Variants in THSD7B observed in about 807,000 individuals in gnomAD.
THSD7B encodes the protein thrombospondin type 1 domain containing 7B.
A neutral mutation model predicts 213.6 loss-of-function variants in THSD7B; 138 were observed. The observed-to-expected ratio is 0.65, with a 90% CI of 0.56 to 0.74. The LOEUF (loss-of-function observed/expected upper bound fraction) is 0.74. THSD7B is among the 30% of genes least tolerant of loss of function. The pLI, the probability that THSD7B is intolerant of heterozygous loss-of-function variation, is 0.00. For missense variants in THSD7B, 1,931 were observed against 1,991.5 expected (o/e 0.97, Z 0.58); for synonymous variants, 742 against 687.0 (o/e 1.08, Z -1.25).
intron 2 of THSD7B, among the ~76,000 whole-genome samples, chr2:136,994,467 T>C (rs976751040): frequency 1.7e-4 from 26 of 152,208 alleles, no homozygotes; most frequent in African/African-American, 5.8e-4. Context: ...CTTGGGAGGC[T>C]GAGGCAGGAG....
chr2:137,347,032 A>G (rs1260038901), intron 12 of THSD7B, among the ~76,000 whole-genome samples: 1 of 151,612 alleles, frequency 6.6e-6, no homozygotes, highest in Non-Finnish European at 1.5e-5. Flanking sequence ...CACCATTGCA[A>G]CCCCACCAAC....
In THSD7B at chr2:137,448,825, AACAACAACAAC is replaced by A. The variant is rs1687593860; in HGVS notation, c.2960-2018_2960-2008del. Among the ~76,000 whole-genome samples, 21 of 150,768 alleles carry A rather than the reference AACAACAACAAC, an allele frequency of 1.4e-4. No individual in the cohort carries two copies. The South Asian group carries it at 4.2e-3, about 30-fold the overall frequency. On this transcript the variant is annotated intron_variant, in intron 14 of 27. Coordinates refer to ENST00000409968, the MANE Select transcript of THSD7B (RefSeq NM_001316349.2). ...AAACAACAACAACAACAACAACAAC[AACAACAACAAC>A]AAAAACTACCCTTTCCTGGGTCCCA...
chr2:137,487,794 C>G (rs1384337975), intron 15 of THSD7B, among the ~76,000 whole-genome samples: 1 of 8,498 alleles, frequency 1.2e-4, no homozygotes, highest in Admixed American at 1.5e-3. Flanking sequence ...GACGGAGTCT[C>G]GCTCTGTCGC....
At position 137,231,175 on chromosome 2, in the gene THSD7B, A is replaced by G; in HGVS notation, c.1855A>G (p.Asn619Asp). 6.2e-7 allele frequency: 1 copy of G among 1,613,490 alleles called. No individual in the cohort carries two copies. The highest frequency in any genetic ancestry group is 8.5e-7 in the Non-Finnish European group (1 of 1,179,652). ...EWSSCSQSCS[N>D]KNSDGKQTRS... is the part of the protein sequence containing the mutation. Reference sequence around the variant, plus strand: ...GTCATCCTGTTCCCAGTCCTGTTCAAATAAAAACTCAGATGGGAAACAGAC... The same window carrying G: ...GTCATCCTGTTCCCAGTCCTGTTCAGATAAAAACTCAGATGGGAAACAGAC... The change falls in exon 8 of 28, where the codon AAT (asparagine) becomes GAT (aspartate). Residue 619 changes from asparagine (N) to aspartate (D), a missense_variant. Physicochemically the swap from Asn to Asp is conservative, Grantham distance 23. Transcript: ENST00000409968.
intron 5 of THSD7B, among the ~76,000 whole-genome samples, chr2:137,141,545 A>T (rs1679586887): frequency 6.6e-6 from 1 of 151,824 alleles, no homozygotes; most frequent in Non-Finnish European, 1.5e-5. Context: ...AAACTGGTGA[A>T]ATCTGGGTAA....
intron 3 of THSD7B, among the ~76,000 whole-genome samples, chr2:137,083,970 A>T (rs1422579464): frequency 6.6e-6 from 1 of 152,138 alleles, no homozygotes; most frequent in African/African-American, 2.4e-5. Context: ...GTATTTTGGA[A>T]GTATTATGTT....
intron 12 of THSD7B, among the ~76,000 whole-genome samples, chr2:137,315,602 T>C (rs529814199): frequency 6.6e-6 from 1 of 152,278 alleles, no homozygotes; most frequent in Non-Finnish European, 1.5e-5. Flanking sequence ...TTTTCGTTTC[T>C]AGATTTGGTA....
intron 12 of THSD7B, among the ~76,000 whole-genome samples, chr2:137,300,161 A>G (rs1683566217): frequency 6.6e-6 from 1 of 152,182 alleles, no homozygotes; most frequent in Non-Finnish European, 1.5e-5. Flanking sequence ...TATACTTAGC[A>G]TTTATAAACT....
chr2:137,445,352 C>T (rs1320893678), intron 14 of THSD7B, among the ~76,000 whole-genome samples: 1 of 151,936 alleles, frequency 6.6e-6, no homozygotes, highest in Non-Finnish European at 1.5e-5. Flanking sequence ...ATGGAATCCA[C>T]CTAAGTGCCC....
At chr2:137,102,096 G>A (rs1455168913) in intron 4 of THSD7B, among the ~76,000 whole-genome samples, 3 of 152,222 alleles carry the variant, frequency 2.0e-5, no homozygotes, top group African/African-American at 7.2e-5. Flanking sequence ...TCCTGACTTG[G>A]AGACACCTCC....
At chr2:137,397,580 C>T (rs1460150344) in intron 12 of THSD7B, among the ~76,000 whole-genome samples, 1 of 151,274 alleles carries the variant, frequency 6.6e-6, no homozygotes, top group Admixed American at 6.6e-5. Flanking sequence ...CGACCTTTCT[C>T]TCTGGCTGCT....
At chr2:137,456,522 C>T (rs1687767218) in intron 15 of THSD7B, among the ~76,000 whole-genome samples, 1 of 152,186 alleles carries the variant, frequency 6.6e-6, no homozygotes, top group African/African-American at 2.4e-5. Context: ...CTGATCCTGA[C>T]CTAGGCCTGA....
In THSD7B at chr2:137,073,522, G is replaced by C. The variant is rs183911843; in HGVS notation, c.950+16292G>C. Among the ~76,000 whole-genome samples the C allele has an allele frequency of 2.0e-5, 3 of 151,868 alleles. No individual in the cohort carries two copies. In the East Asian group the frequency reaches 5.8e-4, roughly 29 times the overall value. On this transcript the variant is annotated intron_variant, in intron 3 of 27. Transcript: ENST00000409968. The stretch of plus-strand genomic sequence containing the variant: ...TAGCGGTCTATCAATTTTGTTGATC[G>C]TTCAAAAAAACAGCTCCTGGATTCA...
intron 7 of THSD7B, among the ~76,000 whole-genome samples, chr2:137,205,785 A>C (rs895232552): frequency 2.0e-5 from 3 of 152,042 alleles, no homozygotes; most frequent in Admixed American, 1.3e-4. Flanking sequence ...GTGAGTCTTA[A>C]ATCCCATAGA....
Position 137,095,048 on chromosome 2 carries a change from G to A in THSD7B, c.1126G>A (p.Gly376Arg). 1 of 1,613,818 alleles carries A rather than the reference G, an allele frequency of 6.2e-7. No individual in the cohort carries two copies. The highest frequency in any genetic ancestry group is 8.5e-7 in the Non-Finnish European group (1 of 1,179,840). ...RNVKHMAIGG[G>R]KECPELLEKE... The stretch of plus-strand genomic sequence containing the variant: ...CGTGAAGCACATGGCTATTGGAGGT[G>A]GAAAGGAGTGTCCTGAACTTCTTGA... The change falls in exon 4 of 28, where the codon GGA (glycine) becomes AGA (arginine). Residue 376 changes from glycine (G) to arginine (R), a missense_variant. Physicochemically the swap from Gly to Arg is moderately radical, Grantham distance 125. Coordinates refer to ENST00000409968, the MANE Select transcript of THSD7B (RefSeq NM_001316349.2).
rs540345253 is a variant in THSD7B, at chr2:137,382,354, C to T, written c.2501-23259C>T. The stretch of plus-strand genomic sequence containing the variant: ...ACTGCCTTCCTGGCAGCCAAGGGGG[C>T]TATTCAGTAGGCAGAAGCCCTATGG... On this transcript the variant is annotated intron_variant, in intron 12 of 27. Coordinates refer to ENST00000409968, the MANE Select transcript of THSD7B (RefSeq NM_001316349.2). Among the ~76,000 whole-genome samples, 13 of 152,314 alleles carry T rather than the reference C, an allele frequency of 8.5e-5. No individual in the cohort carries two copies. In the East Asian group the frequency reaches 1.7e-3, roughly 20 times the overall value.
rs980138458 is a variant in THSD7B at position 136,976,085 on chromosome 2, C to T, written c.140-80335C>T. Among the ~76,000 whole-genome samples the T allele has an allele frequency of 1.1e-4, 16 of 152,226 alleles. No individual in the cohort carries two copies. In the East Asian group the frequency reaches 1.5e-3, roughly 15 times the overall value. On this transcript the variant is annotated intron_variant, in intron 2 of 27. Coordinates refer to ENST00000409968, the MANE Select transcript of THSD7B (RefSeq NM_001316349.2). ...TGCTTATCAGCTAAAGGAGCTGAGA[C>T]GATGGGGTTTTCTAGATAAAAGATC...
chr2:137,466,498 A>AT lies in THSD7B; in HGVS notation c.3138+15484dup, dbSNP rs372746893. Among the ~76,000 whole-genome samples, 680 of 150,946 alleles carry AT rather than the reference A, an allele frequency of 4.5e-3. 5 individuals carry two copies. Among genetic ancestry groups the AT allele is most frequent in the Middle Eastern group, 0.01 (3 of 294 alleles). On this transcript the variant is annotated intron_variant, in intron 15 of 27. Transcript: ENST00000409968. ...CATTATGAGATGGTTTTTTTTTATGATTTTTTTTTCTTAGCTTATCAGCTA... is the reference window on the plus strand; with the variant it reads ...CATTATGAGATGGTTTTTTTTTATGATTTTTTTTTTCTTAGCTTATCAGCTA...
At chr2:137,391,107 G>A (rs1459730030) in intron 12 of THSD7B, among the ~76,000 whole-genome samples, 5 of 152,018 alleles carry the variant, frequency 3.3e-5, no homozygotes, top group Non-Finnish European at 7.4e-5. Flanking sequence ...TTGTTGTTGA[G>A]AGACTTTATA....
Sources: allele counts gnomAD v4.1 joint callset (sites outside exome capture counted in the v4.1 genomes callset), GRCh38; gene constraint gnomAD v4.1.1; transcripts MANE v1.5; gene names NCBI Gene and HGNC (gene_info 2026-07-23, HGNC 2026-07-21).